Variants in DLG2 observed in about 807,000 individuals in gnomAD.
The protein encoded by DLG2 is disks large homolog 2.
DLG2 carries 45 observed loss-of-function variants against 132.5 expected under a neutral mutation model. The observed-to-expected ratio is 0.34, with a 90% CI of 0.27 to 0.44. The LOEUF is 0.44. DLG2 is among the 20% of genes least tolerant of loss of function. The pLI, the probability that DLG2 is intolerant of heterozygous loss-of-function variation, is 1.00. For missense variants in DLG2, 1,045 were observed against 1,196.9 expected (o/e 0.87, Z 1.87); for synonymous variants, 424 against 419.6 (o/e 1.01, Z -0.13).
chr11:84,177,054 T>C (rs2154276274), intron 8 of DLG2, among the ~76,000 whole-genome samples: 1 of 152,214 alleles, frequency 6.6e-6, no homozygotes, highest in Middle Eastern at 3.4e-3. Flanking sequence ...AGTAAACAAA[T>C]GTTAATCAGA....
intron 7 of DLG2, among the ~76,000 whole-genome samples, chr11:84,347,494 A>G (rs2098544353): frequency 6.6e-6 from 1 of 152,220 alleles, no homozygotes; most frequent in African/African-American, 2.4e-5. Context: ...TAGGTTCTGG[A>G]AAAGCAGAAT....
intron 6 of DLG2, among the ~76,000 whole-genome samples, chr11:85,008,866 GA>G: frequency 6.6e-6 from 1 of 151,916 alleles, no homozygotes; most frequent in African/African-American, 2.4e-5. Flanking sequence ...AATATAAAAA[GA>G]AAATAATTAT....
At chr11:84,928,584 A>T (rs957880697) in intron 6 of DLG2, among the ~76,000 whole-genome samples, 4 of 151,962 alleles carry the variant, frequency 2.6e-5, no homozygotes, top group African/African-American at 9.7e-5. Context: ...TTAAATACCT[A>T]GACGATTCTT....
chr11:85,536,322 C>T (rs1221400098), intron 3 of DLG2, among the ~76,000 whole-genome samples: 1 of 151,872 alleles, frequency 6.6e-6, no homozygotes, highest in Non-Finnish European at 1.5e-5. Flanking sequence ...CATGCTGCAT[C>T]CTTTAAATTG....
At chr11:84,601,284 T>C (rs1271486063) in intron 6 of DLG2, among the ~76,000 whole-genome samples, 2 of 152,232 alleles carry the variant, frequency 1.3e-5, no homozygotes, top group South Asian at 2.1e-4. Context: ...CTCTTCATTA[T>C]TGACACATTT....
At chr11:83,609,636 G>A (rs1190848380) in intron 19 of DLG2, among the ~76,000 whole-genome samples, 3 of 152,088 alleles carry the variant, frequency 2.0e-5, no homozygotes, top group South Asian at 4.1e-4. Flanking sequence ...ATCTTTGCAT[G>A]CATCCTCCCT....
intron 5 of DLG2, among the ~76,000 whole-genome samples, chr11:85,130,042 A>G (rs1022615386): frequency 6.6e-6 from 1 of 151,798 alleles, no homozygotes; most frequent in Non-Finnish European, 1.5e-5. Flanking sequence ...AGCATCACAC[A>G]CCGGGGCCTT....
intron 21 of DLG2, among the ~76,000 whole-genome samples, chr11:83,498,589 A>C (rs2094276397): frequency 6.6e-6 from 1 of 151,840 alleles, no homozygotes; most frequent in Admixed American, 6.6e-5. Context: ...ATATATGTCT[A>C]TACTAAAAAA....
chr11:83,986,974 A>G (rs967493950), intron 11 of DLG2, among the ~76,000 whole-genome samples: 9 of 152,072 alleles, frequency 5.9e-5, no homozygotes, highest in Middle Eastern at 3.4e-3. Context: ...TTTGTCAGAT[A>G]AGTAGGTTGC....
At chr11:84,954,333 G>A (rs2051344907) in intron 6 of DLG2, among the ~76,000 whole-genome samples, 1 of 146,960 alleles carries the variant, frequency 6.8e-6, no homozygotes, top group East Asian at 2.0e-4. Context: ...AATAGTCAAG[G>A]GAGGCATCTT....
intron 14 of DLG2, among the ~76,000 whole-genome samples, chr11:83,931,766 TA>T (rs1565692197): frequency 6.6e-6 from 1 of 152,192 alleles, no homozygotes; most frequent in African/African-American, 2.4e-5. Flanking sequence ...ACATATTTAA[TA>T]GATTTGGTGT....
intron 6 of DLG2, among the ~76,000 whole-genome samples, chr11:84,822,571 G>C (rs2077826770): frequency 6.6e-6 from 1 of 151,894 alleles, no homozygotes. Flanking sequence ...GCTGAGATCT[G>C]TGAAGTTTAA....
At chr11:85,428,864 A>G (rs2090968142) in intron 3 of DLG2, among the ~76,000 whole-genome samples, 1 of 152,184 alleles carries the variant, frequency 6.6e-6, no homozygotes, top group Admixed American at 6.5e-5. Context: ...AGATCAACAA[A>G]ATTGATAGAC....
chr11:83,702,114 G>A (rs1253779820), intron 18 of DLG2, among the ~76,000 whole-genome samples: 2 of 152,130 alleles, frequency 1.3e-5, no homozygotes. Context: ...CTCAGTGTTG[G>A]CTTGGGATCA....
chr11:84,168,852 A>ACAAAC, intron 8 of DLG2, among the ~76,000 whole-genome samples: 1 of 72,582 alleles, frequency 1.4e-5, no homozygotes, highest in African/African-American at 4.3e-5. Context: ...CACACACACA[A>ACAAAC]ACACACACAC....
rs118020503 is a variant in DLG2, at chr11:83,908,453, C to T, written c.1496+21875G>A. Among the ~76,000 whole-genome samples the T allele has an allele frequency of 5.3e-5, 8 of 152,128 alleles. No homozygotes were observed. In the East Asian group the frequency reaches 9.7e-4, roughly 18 times the overall value. On this transcript the variant is annotated intron_variant, in intron 15 of 27. Transcript: ENST00000376104. ...CTTTTTTTCTCTCTCTCTCTCCATACGCACATGAGCATATATGCATGCACA... is the reference window on the plus strand; with the variant it reads ...CTTTTTTTCTCTCTCTCTCTCCATATGCACATGAGCATATATGCATGCACA...
At chr11:83,844,150 G>A (rs972005113) in intron 16 of DLG2, among the ~76,000 whole-genome samples, 6 of 152,040 alleles carry the variant, frequency 3.9e-5, no homozygotes, top group African/African-American at 9.7e-5. Context: ...GACCCTGTGA[G>A]GCTACACCCC....
chr11:84,901,892 T>G (rs1417468057), intron 6 of DLG2, among the ~76,000 whole-genome samples: 2 of 152,030 alleles, frequency 1.3e-5, no homozygotes. Context: ...AGTGTTGAAT[T>G]AAGGGGGGAA....
chr11:84,578,847 A>G (rs2099509649), intron 6 of DLG2, among the ~76,000 whole-genome samples: 1 of 152,078 alleles, frequency 6.6e-6, no homozygotes, highest in Non-Finnish European at 1.5e-5. Context: ...CCCTACCGAA[A>G]TCTCAACTTG....
Sources: gnomAD v4.1 joint callset for allele counts (sites outside exome capture counted in the v4.1 genomes callset) on GRCh38, gnomAD v4.1.1 for gene constraint, MANE v1.5 for transcripts, NCBI Gene and HGNC (gene_info 2026-07-23, HGNC 2026-07-21) for gene names.